MPZL1: variants seen among roughly 807,000 people sequenced by gnomAD.
MPZL1 encodes myelin protein zero like 1.
Under a neutral mutation model 29.3 loss-of-function variants are expected in MPZL1, and 16 were observed. That is an observed-to-expected ratio of 0.55 (90% CI 0.37 to 0.83). The LOEUF (loss-of-function observed/expected upper bound fraction) is 0.83. Ranked by LOEUF, MPZL1 falls within the 40% of genes least tolerant of loss-of-function variation. MPZL1 has a pLI of 0.00. For synonymous variants in MPZL1, 143 were observed against 132.0 expected, an observed-to-expected ratio of 1.08 and a Z score of -0.57; for missense variants, 279 against 332.9, an observed-to-expected ratio of 0.84 and a Z score of 1.26.
intron 1 of MPZL1, among the ~76,000 whole-genome samples, chr1:167,756,136 T>C (rs1344106511): frequency 6.6e-6 from 1 of 152,114 alleles, no homozygotes; most frequent in Non-Finnish European, 1.5e-5. Flanking sequence ...TTGGTAATCT[T>C]GTGTGTTAGT....
intron 1 of MPZL1, among the ~76,000 whole-genome samples, chr1:167,727,626 T>C (rs1660174265): frequency 6.7e-6 from 1 of 150,058 alleles, no homozygotes; most frequent in African/African-American, 2.4e-5. Flanking sequence ...ATATTAAGCC[T>C]TCATGTATCT....
At chr1:167,779,093 G>C (rs1661434158) in intron 5 of MPZL1, among the ~76,000 whole-genome samples, 1 of 151,952 alleles carries the variant, frequency 6.6e-6, no homozygotes, top group Admixed American at 6.6e-5. Context: ...CTGTACTCCA[G>C]CCTGGGCAAC....
At chr1:167,784,364 A>C (rs2101800198) in intron 5 of MPZL1, among the ~76,000 whole-genome samples, 1 of 152,336 alleles carries the variant, frequency 6.6e-6, no homozygotes, top group Non-Finnish European at 1.5e-5. Flanking sequence ...ATAAATAAAT[A>C]AATGAAATGG....
At chr1:167,774,229 T>C (rs887790722) in intron 4 of MPZL1, among the ~76,000 whole-genome samples, 3 of 152,216 alleles carry the variant, frequency 2.0e-5, no homozygotes, top group Non-Finnish European at 4.4e-5. Context: ...AGCTAACCCA[T>C]ATAAGCTATG....
intron 1 of MPZL1, among the ~76,000 whole-genome samples, chr1:167,748,971 T>G (rs1407681970): frequency 2.6e-5 from 4 of 152,220 alleles, no homozygotes; most frequent in African/African-American, 9.6e-5. Context: ...ACATTTGGGT[T>G]TGGAAATTAT....
Position 167,776,137 on chromosome 1 carries a change from G to A in MPZL1, c.679G>A (p.Val227Ile). ...GTCCCCCTCCGACACTGAGGGTCTT[G>A]TAAAGAGTCTGCCTTCTGGATCTCA... Reference protein sequence around the residue: ...RKSPSDTEGLVKSLPSGSHQG... With the variant: ...RKSPSDTEGLIKSLPSGSHQG... Residue 227 changes from valine (V) to isoleucine (I), a missense_variant, in exon 5 of 6, where the codon GTA (valine) becomes ATA (isoleucine). Coordinates refer to ENST00000359523, the MANE Select transcript of MPZL1 (RefSeq NM_003953.6). 6.2e-7 allele frequency: 1 copy of A among 1,612,742 alleles called. No individual in the cohort carries two copies. The highest frequency in any genetic ancestry group is 1.1e-5 in the South Asian group (1 of 90,938).
At chr1:167,786,502 G>GTGC (rs1364981273) in intron 5 of MPZL1, among the ~76,000 whole-genome samples, 1 of 152,220 alleles carries the variant, frequency 6.6e-6, no homozygotes, top group Admixed American at 6.5e-5. Context: ...CACGTGACCA[G>GTGC]TGCTCTTCTC....
chr1:167,744,594 G>A (rs1276578183), intron 1 of MPZL1, among the ~76,000 whole-genome samples: 1 of 148,078 alleles, frequency 6.8e-6, no homozygotes, highest in African/African-American at 2.5e-5. Flanking sequence ...TGAGGCAGGA[G>A]AAACACTTGA....
intron 1 of MPZL1, among the ~76,000 whole-genome samples, chr1:167,726,798 A>G (rs1174006907): frequency 2.0e-5 from 3 of 152,376 alleles, no homozygotes; most frequent in African/African-American, 7.2e-5. Context: ...AGCTATGTGC[A>G]AAAGAACATA....
chr1:167,752,828 T>C (rs1660785771), intron 1 of MPZL1, among the ~76,000 whole-genome samples: 1 of 152,194 alleles, frequency 6.6e-6, no homozygotes, highest in Non-Finnish European at 1.5e-5. Context: ...TGCTTATATG[T>C]TTCATTAATC....
chr1:167,738,032 T>G (rs1318257347), intron 1 of MPZL1, among the ~76,000 whole-genome samples: 2 of 152,112 alleles, frequency 1.3e-5, no homozygotes, highest in African/African-American at 4.8e-5. Flanking sequence ...TTCACGCCAT[T>G]CTCCTGCCTC....
At chr1:167,730,864 C>T (rs1394980262) in intron 1 of MPZL1, among the ~76,000 whole-genome samples, 1 of 152,214 alleles carries the variant, frequency 6.6e-6, no homozygotes, top group African/African-American at 2.4e-5. Context: ...CCTTGTACCT[C>T]TTCTTGGCTC....
At chr1:167,740,074 T>TA (rs1199335547) in intron 1 of MPZL1, among the ~76,000 whole-genome samples, 3 of 152,208 alleles carry the variant, frequency 2.0e-5, no homozygotes, top group African/African-American at 7.2e-5. Context: ...TCATTGCACT[T>TA]ACCTGGCAAT....
Position 167,722,922 on chromosome 1 carries a change from G to A in MPZL1, c.91+680G>A, listed in dbSNP as rs1174241941. On this transcript the variant is annotated intron_variant, in intron 1 of 5. Coordinates refer to ENST00000359523, the MANE Select transcript of MPZL1 (RefSeq NM_003953.6). ...GGTCAAATCCATCATAATTCCAGAC[G>A]TAGCCACCATAATTTGACAAGACAT... Among the ~76,000 whole-genome samples the A allele has an allele frequency of 2.0e-5, 3 of 152,194 alleles. No individual in the cohort carries two copies. In the East Asian group the frequency reaches 5.8e-4, roughly 29 times the overall value.
chr1:167,755,939 G>A (rs1201250432), intron 1 of MPZL1, among the ~76,000 whole-genome samples: 4 of 152,118 alleles, frequency 2.6e-5, no homozygotes, highest in Admixed American at 2.6e-4. Context: ...ATATAGAGGA[G>A]GGCAAGAAGA....
At chr1:167,739,300 TATATATATAC>T (rs1660462743) in intron 1 of MPZL1, among the ~76,000 whole-genome samples, 1 of 114,756 alleles carries the variant, frequency 8.7e-6, no homozygotes, top group African/African-American at 4.8e-5. Flanking sequence ...TATATATATA[TATATATATAC>T]ACATATATAT....
At chr1:167,780,355 C>A (rs551012270) in intron 5 of MPZL1, among the ~76,000 whole-genome samples, 1 of 152,202 alleles carries the variant, frequency 6.6e-6, no homozygotes, top group South Asian at 2.1e-4. Flanking sequence ...CTGCAATAAA[C>A]CACTTTAAAT....
At chr1:167,758,989 A>C (rs748225342) in intron 1 of MPZL1, among the ~76,000 whole-genome samples, 1 of 152,194 alleles carries the variant, frequency 6.6e-6, no homozygotes, top group African/African-American at 2.4e-5. Context: ...AAATGTTTGT[A>C]TATCATTTAA....
chr1:167,760,387 A>G (rs910518184), intron 1 of MPZL1, among the ~76,000 whole-genome samples: 2 of 151,940 alleles, frequency 1.3e-5, no homozygotes, highest in Non-Finnish European at 2.9e-5. Flanking sequence ...TATTTTTAGT[A>G]GAGACGGGGT....
Sources: gnomAD v4.1 joint callset for allele counts (sites outside exome capture counted in the v4.1 genomes callset) on GRCh38, gnomAD v4.1.1 for gene constraint, MANE v1.5 for transcripts, NCBI Gene and HGNC (gene_info 2026-07-23, HGNC 2026-07-21) for gene names.